The following AJAP1 variants were observed in gnomAD, a reference collection of about 807,000 sequenced individuals.
AJAP1 encodes the protein adherens junction-associated protein 1.
A neutral mutation model predicts 35.0 loss-of-function variants in AJAP1; 5 were observed. That is an observed-to-expected ratio of 0.14 (90% CI 0.07 to 0.30). AJAP1 has a LOEUF of 0.30. Ranked by LOEUF, AJAP1 falls within the 10% of genes least tolerant of loss-of-function variation. The pLI, the probability that AJAP1 is intolerant of heterozygous loss-of-function variation, is 1.00. For missense variants in AJAP1, 586 were observed against 571.0 expected (o/e 1.03, Z -0.27); for synonymous variants, 284 against 249.3 (o/e 1.14, Z -1.31).
At chr1:4,739,140 C>T (rs3753702) in intron 2 of AJAP1, among the ~76,000 whole-genome samples, 16,510 of 152,242 alleles carry the variant, frequency 0.11, 1,108 homozygotes, top group South Asian at 0.29. Context: ...GGATGTCCCA[C>T]TCAAACACAT....
rs538604007 is a variant in AJAP1, at chr1:4,733,741, G to A, written c.829+21042G>A. Reference sequence around the variant, plus strand: ...TCCAGGACAGCCCACCCCTCCCCTTGTTCTCCTTGTGGGCAGGGATAGGAG... The same window carrying A: ...TCCAGGACAGCCCACCCCTCCCCTTATTCTCCTTGTGGGCAGGGATAGGAG... On this transcript the variant is annotated intron_variant, in intron 2 of 5. Coordinates refer to ENST00000378191, the MANE Select transcript of AJAP1 (RefSeq NM_018836.4). 5.3e-5 allele frequency among the ~76,000 whole-genome samples: 8 copies of A among 151,978 alleles called. No homozygotes were observed. In the East Asian group the frequency reaches 9.7e-4, roughly 18 times the overall value.
At chr1:4,680,166 A>T (rs935204522) in intron 1 of AJAP1, among the ~76,000 whole-genome samples, 2 of 152,064 alleles carry the variant, frequency 1.3e-5, no homozygotes, top group Admixed American at 6.5e-5. Flanking sequence ...GATTGGATGA[A>T]GCCCACCCAC....
chr1:4,675,752 A>G (rs138857734), intron 1 of AJAP1, among the ~76,000 whole-genome samples: 156 of 152,320 alleles, frequency 1.0e-3, no homozygotes, highest in Middle Eastern at 6.8e-3. Context: ...TTACTAAACA[A>G]TCTGGTTTAC....
intron 5 of AJAP1, chr1:4,777,665 A>G (rs573384703): frequency 6.6e-6 from 1 of 152,370 alleles, no homozygotes; most frequent in South Asian, 2.1e-4. Flanking sequence ...TCCCTTTGCC[A>G]AGGCCGCTTC....
chr1:4,665,298 A>G (rs1254363965), intron 1 of AJAP1, among the ~76,000 whole-genome samples: 2 of 152,136 alleles, frequency 1.3e-5, no homozygotes, highest in African/African-American at 4.8e-5. Flanking sequence ...GAATGGCCCC[A>G]TTAGGCGCCT....
At chr1:4,735,870 C>T (rs1640909708) in intron 2 of AJAP1, among the ~76,000 whole-genome samples, 1 of 152,240 alleles carries the variant, frequency 6.6e-6, no homozygotes, top group African/African-American at 2.4e-5. Flanking sequence ...TGCAGCTCAG[C>T]CCTGGGGCCC....
intron 2 of AJAP1, among the ~76,000 whole-genome samples, chr1:4,728,825 C>T (rs1292329649): frequency 6.6e-6 from 1 of 152,180 alleles, no homozygotes; most frequent in African/African-American, 2.4e-5. Flanking sequence ...GCCTGGGGCT[C>T]ACTTAGTCTG....
At chr1:4,773,275 C>A (rs1330145482) in intron 4 of AJAP1, among the ~76,000 whole-genome samples, 1 of 152,100 alleles carries the variant, frequency 6.6e-6, no homozygotes, top group East Asian at 1.9e-4. Context: ...TGCCCCAGGC[C>A]CCCAGAAAGG....
At chr1:4,730,591 C>T (rs191924768) in intron 2 of AJAP1, among the ~76,000 whole-genome samples, 3 of 152,332 alleles carry the variant, frequency 2.0e-5, no homozygotes, top group East Asian at 1.9e-4. Context: ...GGAACCTCTG[C>T]GGGGCTGCCC....
At chr1:4,733,386 C>T (rs1186996949) in intron 2 of AJAP1, among the ~76,000 whole-genome samples, 1 of 151,276 alleles carries the variant, frequency 6.6e-6, no homozygotes, top group Non-Finnish European at 1.5e-5. Context: ...CGAGAAGCTG[C>T]CCAACAGAAT....
At position 4,664,800 on chromosome 1, in the gene AJAP1, G is replaced by T. The variant is rs549612227; in HGVS notation, c.29+9346G>T. ...CAGACAGAAGTCAGTATCCTGCTGT[G>T]GATTCAATTTCCCGAATGGTTGCAG... On this transcript the variant is annotated intron_variant, in intron 1 of 5. Transcript: ENST00000378191. Among the ~76,000 whole-genome samples the T allele has an allele frequency of 2.5e-4, 38 of 152,258 alleles. No homozygotes were observed. The South Asian group carries it at 3.1e-3, about 12-fold the overall frequency.
chr1:4,670,591 G>T (rs1297523212), intron 1 of AJAP1, among the ~76,000 whole-genome samples: 33 of 152,162 alleles, frequency 2.2e-4, no homozygotes, highest in Admixed American at 2.2e-3. Context: ...GTTCTTGCTG[G>T]CATGGAAGCA....
chr1:4,695,983 C>A (rs1379737415), intron 1 of AJAP1, among the ~76,000 whole-genome samples: 1 of 152,090 alleles, frequency 6.6e-6, no homozygotes, highest in East Asian at 1.9e-4. Flanking sequence ...ACCTCCATGG[C>A]CATTTGTGTC....
intron 1 of AJAP1, among the ~76,000 whole-genome samples, chr1:4,703,182 A>G (rs1171705799): frequency 4.6e-5 from 7 of 152,200 alleles, no homozygotes; most frequent in African/African-American, 1.4e-4. Flanking sequence ...TTACAATGAC[A>G]TCAGGCTGGG....
At chr1:4,705,284 CT>C (rs1487473811) in intron 1 of AJAP1, among the ~76,000 whole-genome samples, 9 of 151,244 alleles carry the variant, frequency 6.0e-5, no homozygotes, top group East Asian at 2.0e-4. Flanking sequence ...CGTAAAAACC[CT>C]ATAAGAAAAC....
chr1:4,686,400 G>A (rs1049525157), intron 1 of AJAP1, among the ~76,000 whole-genome samples: 1 of 152,158 alleles, frequency 6.6e-6, no homozygotes, highest in African/African-American at 2.4e-5. Flanking sequence ...GTTGCAGAGG[G>A]CTGGGTTCAA....
At chr1:4,776,241 G>A (rs1241695475) in intron 5 of AJAP1, among the ~76,000 whole-genome samples, 1 of 152,176 alleles carries the variant, frequency 6.6e-6, no homozygotes, top group South Asian at 2.1e-4. Context: ...AACCGAGGCA[G>A]TGGGAGGTTA....
At chr1:4,716,716 T>A (rs1409934729) in intron 2 of AJAP1, among the ~76,000 whole-genome samples, 1 of 147,176 alleles carries the variant, frequency 6.8e-6, no homozygotes, top group Non-Finnish European at 1.5e-5. Flanking sequence ...AGAGAGATGA[T>A]GATGATGGTG....
At chr1:4,765,090 G>A (rs1440081339) in intron 2 of AJAP1, among the ~76,000 whole-genome samples, 5 of 152,124 alleles carry the variant, frequency 3.3e-5, no homozygotes, top group African/African-American at 9.7e-5. Flanking sequence ...GTATACAGTG[G>A]CGATTAACAG....
Sources: gnomAD v4.1 joint callset for allele counts (sites outside exome capture counted in the v4.1 genomes callset) on GRCh38, gnomAD v4.1.1 for gene constraint, MANE v1.5 for transcripts, NCBI Gene and HGNC (gene_info 2026-07-23, HGNC 2026-07-21) for gene names.